The following CPNE4 variants were observed in gnomAD, a reference collection of about 807,000 sequenced individuals.
The protein encoded by CPNE4 is copine-4.
CPNE4 carries 25 observed loss-of-function variants against 67.9 expected under a neutral mutation model. The ratio of observed to expected loss-of-function variants is 0.37; its 90% confidence interval spans 0.27 to 0.51. The LOEUF (loss-of-function observed/expected upper bound fraction) is 0.51, where lower values mean the gene tolerates loss of function less well. Among genes scored for constraint, CPNE4 ranks in the 20% least tolerant of loss-of-function variants. The pLI is 0.93. For synonymous variants in CPNE4, 242 were observed against 244.9 expected, an observed-to-expected ratio of 0.99 and a Z score of 0.11; for missense variants, 464 against 690.8, an observed-to-expected ratio of 0.67 and a Z score of 3.68.
chr3:131,829,825 C>T (rs2085301214), intron 2 of CPNE4, among the ~76,000 whole-genome samples: 1 of 152,212 alleles, frequency 6.6e-6, no homozygotes, highest in South Asian at 2.1e-4. Context: ...ATACTTCATA[C>T]ACATCAGGAC....
At chr3:131,556,739 T>C (rs111812789) in intron 11 of CPNE4, among the ~76,000 whole-genome samples, 29 of 152,216 alleles carry the variant, frequency 1.9e-4, no homozygotes, top group African/African-American at 5.5e-4. Context: ...TATCCTTTGG[T>C]TTGAGTTATC....
chr3:131,626,007 G>A (rs2079063200), intron 7 of CPNE4, among the ~76,000 whole-genome samples: 1 of 152,100 alleles, frequency 6.6e-6, no homozygotes, highest in Non-Finnish European at 1.5e-5. Context: ...TATTGTAATT[G>A]TTTTGAGGTG....
At chr3:131,978,534 AT>A (rs2072812960) in intron 1 of CPNE4, among the ~76,000 whole-genome samples, 1 of 70,372 alleles carries the variant, frequency 1.4e-5, no homozygotes, top group African/African-American at 6.9e-5. Context: ...AAATATAAAT[AT>A]ATATAAATAT....
At chr3:131,995,262 G>A (rs903085947) in intron 1 of CPNE4, among the ~76,000 whole-genome samples, 1 of 151,992 alleles carries the variant, frequency 6.6e-6, no homozygotes, top group Non-Finnish European at 1.5e-5. Flanking sequence ...CTATTTCATG[G>A]GTTGAGCCAG....
intron 2 of CPNE4, among the ~76,000 whole-genome samples, chr3:131,832,360 A>G (rs1456302185): frequency 6.6e-6 from 1 of 152,226 alleles, no homozygotes; most frequent in East Asian, 1.9e-4. Context: ...AAGGAGAGTC[A>G]GAGATCATCT....
At chr3:131,697,520 T>G (rs1315156766) in intron 4 of CPNE4, among the ~76,000 whole-genome samples, 2 of 152,218 alleles carry the variant, frequency 1.3e-5, no homozygotes, top group African/African-American at 2.4e-5. Context: ...CAATAGTCAC[T>G]GGTAATATTC....
intron 3 of CPNE4, among the ~76,000 whole-genome samples, chr3:131,700,883 G>A (rs1363419438): frequency 3.3e-5 from 5 of 151,822 alleles, no homozygotes; most frequent in African/African-American, 1.2e-4. Context: ...AGAAAATGTG[G>A]CACATATACA....
intron 7 of CPNE4, among the ~76,000 whole-genome samples, chr3:131,605,413 A>G (rs1172495132): frequency 6.6e-6 from 1 of 152,032 alleles, no homozygotes; most frequent in African/African-American, 2.4e-5. Context: ...AGTAGTCTCC[A>G]GTGTGTATTG....
chr3:131,681,540 T>C (rs954310658), intron 6 of CPNE4, among the ~76,000 whole-genome samples: 2 of 152,176 alleles, frequency 1.3e-5, no homozygotes, highest in Non-Finnish European at 2.9e-5. Flanking sequence ...TCTTTTCTCT[T>C]ATTCCTTTTA....
intron 7 of CPNE4, among the ~76,000 whole-genome samples, chr3:131,603,145 C>A (rs1939302163): frequency 6.6e-6 from 1 of 152,206 alleles, no homozygotes; most frequent in East Asian, 1.9e-4. Flanking sequence ...AGGAAGCAAT[C>A]TTATTTGATG....
intron 2 of CPNE4, among the ~76,000 whole-genome samples, chr3:131,745,794 G>A (rs1412765720): frequency 6.6e-6 from 1 of 152,036 alleles, no homozygotes; most frequent in Non-Finnish European, 1.5e-5. Flanking sequence ...CTTGATTACT[G>A]TTGCTATATG....
intron 2 of CPNE4, among the ~76,000 whole-genome samples, chr3:131,854,630 A>C (rs933781952): frequency 6.6e-6 from 1 of 151,954 alleles, no homozygotes; most frequent in African/African-American, 2.4e-5. Flanking sequence ...TTTCACTGTC[A>C]TCCATGTAAG....
chr3:131,756,235 C>G (rs1052878076), intron 2 of CPNE4, among the ~76,000 whole-genome samples: 7 of 152,198 alleles, frequency 4.6e-5, no homozygotes, highest in Non-Finnish European at 8.8e-5. Context: ...AAATTAACAG[C>G]TAGATACTTC....
At chr3:131,870,906 A>G (rs764109054) in intron 2 of CPNE4, among the ~76,000 whole-genome samples, 2 of 152,208 alleles carry the variant, frequency 1.3e-5, no homozygotes, top group Non-Finnish European at 2.9e-5. Flanking sequence ...AAGGTAATTC[A>G]ATAATTGTCT....
chr3:131,599,913 T>C (rs866070234), intron 7 of CPNE4, among the ~76,000 whole-genome samples: 1 of 151,996 alleles, frequency 6.6e-6, no homozygotes, highest in Non-Finnish European at 1.5e-5. Flanking sequence ...CTTTAAAGAG[T>C]GTCTTTTCCC....
intron 7 of CPNE4, among the ~76,000 whole-genome samples, chr3:131,659,455 A>C (rs1220947613): frequency 1.3e-5 from 2 of 152,210 alleles, no homozygotes; most frequent in Non-Finnish European, 2.9e-5. Flanking sequence ...TTAGATGGAC[A>C]TTCTCTCTAG....
intron 2 of CPNE4, among the ~76,000 whole-genome samples, chr3:131,805,967 C>T (rs1202294526): frequency 6.6e-6 from 1 of 152,154 alleles, no homozygotes; most frequent in African/African-American, 2.4e-5. Flanking sequence ...ATAAAATCTT[C>T]CAGATGTACA....
chr3:131,831,499 A>G (rs1429253892), intron 2 of CPNE4, among the ~76,000 whole-genome samples: 1 of 152,192 alleles, frequency 6.6e-6, no homozygotes, highest in Non-Finnish European at 1.5e-5. Flanking sequence ...CAAAATACAA[A>G]TTATGAAAAC....
intron 2 of CPNE4, among the ~76,000 whole-genome samples, chr3:131,765,645 T>C (rs1021103469): frequency 6.6e-6 from 1 of 152,112 alleles, no homozygotes; most frequent in African/African-American, 2.4e-5. Flanking sequence ...GCTTGATCAA[T>C]AGGTTTTCTG....
Sources: gnomAD v4.1 joint callset for allele counts (sites outside exome capture counted in the v4.1 genomes callset) on GRCh38, gnomAD v4.1.1 for gene constraint, MANE v1.5 for transcripts, NCBI Gene and HGNC (gene_info 2026-07-23, HGNC 2026-07-21) for gene names.